The following ASIC5 variants were observed in gnomAD, a reference collection of about 807,000 sequenced individuals.
ASIC5 encodes acid sensing ion channel subunit family member 5.
In ASIC5, 52 loss-of-function variants were observed where a neutral mutation model predicts 51.2. The ratio of observed to expected loss-of-function variants is 1.02; its 90% CI spans 0.81 to 1.28. The LOEUF (loss-of-function observed/expected upper bound fraction) is 1.28, where lower values mean the gene tolerates loss of function less well. Ranked by LOEUF, ASIC5 falls within the 50% of genes most tolerant of loss-of-function variation. The pLI is 0.00. For synonymous variants in ASIC5, 231 were observed against 200.7 expected (o/e 1.15, Z -1.28); for missense variants, 635 against 595.0 (o/e 1.07, Z -0.70).
intron 2 of ASIC5, among the ~76,000 whole-genome samples, chr4:155,862,589 C>T (rs1262709158): frequency 1.3e-5 from 2 of 152,064 alleles, no homozygotes; most frequent in South Asian, 2.1e-4. Flanking sequence ...GAAAGTTGTC[C>T]TCCTCTTAGC....
chr4:155,862,492 C>T (rs1741735689), intron 2 of ASIC5, among the ~76,000 whole-genome samples: 1 of 151,952 alleles, frequency 6.6e-6, no homozygotes, highest in African/African-American at 2.4e-5. Flanking sequence ...CTTAAGAAGC[C>T]CTCCCTTCCT....
intron 1 of ASIC5, 23 bp from the exon 2 acceptor site, chr4:155,863,777 G>T (rs776582004): frequency 6.4e-7 from 1 of 1,560,988 alleles, no homozygotes; most frequent in South Asian, 1.2e-5. Flanking sequence ...CCCATAAAAT[G>T]ATTAAACAAA....
chr4:155,855,260 T>A (rs1470908726), intron 2 of ASIC5: 1 of 152,106 alleles, frequency 6.6e-6, no homozygotes, highest in Non-Finnish European at 1.5e-5. Context: ...CTCAAAGTGT[T>A]CTTTTAATGA....
At chr4:155,835,615 C>A (rs1740962724) in intron 8 of ASIC5, among the ~76,000 whole-genome samples, 1 of 152,030 alleles carries the variant, frequency 6.6e-6, no homozygotes, top group African/African-American at 2.4e-5. Context: ...ACATCAGGAA[C>A]AATATTAAAA....
chr4:155,833,820 T>C (rs1480534375), intron 8 of ASIC5, among the ~76,000 whole-genome samples: 2 of 152,212 alleles, frequency 1.3e-5, no homozygotes, highest in Non-Finnish European at 2.9e-5. Flanking sequence ...TGTCCAATCA[T>C]TTGGGTCTCA....
At chr4:155,863,396 T>C (rs1228838452) in intron 2 of ASIC5, 52 bp downstream of exon 2, 7 of 1,392,578 alleles carry the variant, frequency 5.0e-6, no homozygotes, top group Non-Finnish European at 5.9e-6. Flanking sequence ...CCAAGAAAGA[T>C]TATACTAGCA....
At chr4:155,854,032 G>A (rs773032060) in intron 3 of ASIC5, 45 bp downstream of exon 3, 7 of 1,421,294 alleles carry the variant, frequency 4.9e-6, no homozygotes, top group Admixed American at 3.5e-5. Flanking sequence ...GTGCAGTAAC[G>A]GAACTTATTA....
intron 4 of ASIC5, among the ~76,000 whole-genome samples, chr4:155,847,745 T>A (rs1741288591): frequency 1.3e-5 from 2 of 151,608 alleles, no homozygotes; most frequent in East Asian, 3.9e-4. Flanking sequence ...AATAAATAAA[T>A]AAAATGCATT....
Position 155,864,886 on chromosome 4 carries a change from T to G in ASIC5, c.41-1132A>C, listed in dbSNP as rs1741822337. 3 of 152,112 alleles carry G rather than the reference T, an allele frequency of 2.0e-5. No individual in the cohort carries two copies. In the South Asian group the frequency reaches 6.2e-4, roughly 31 times the overall value. The allele number at this position is 152,112 out of a possible 1,614,324, so 9.4% of individuals were successfully genotyped here. A position where few individuals can be genotyped will look rare whatever the true frequency, so the allele number is the denominator to read the frequency against. On this transcript the variant is annotated intron_variant, in intron 1 of 9. Transcript: ENST00000537611. ...TTAAAAAATTAGTTCTTAATGGCTT[T>G]ATATATGTTCATAATTAGGTGAATT... is the stretch of plus-strand genomic sequence containing the variant.
intron 4 of ASIC5, among the ~76,000 whole-genome samples, chr4:155,846,518 G>A (rs1352028742): frequency 1.3e-5 from 2 of 152,098 alleles, no homozygotes; most frequent in Non-Finnish European, 2.9e-5. Context: ...TATTGTCTTT[G>A]TTTCAAACCT....
intron 3 of ASIC5, 55 bp from the exon 4 acceptor site, chr4:155,852,371 C>A: frequency 1.3e-6 from 2 of 1,535,258 alleles, no homozygotes; most frequent in African/African-American, 1.4e-5. Context: ...TTTGTCACTT[C>A]TCAAGTTTGC....
In ASIC5 at chr4:155,863,477, G is replaced by T. The variant is rs770290427; in HGVS notation, c.318C>A (p.Phe106Leu). The change falls in exon 2 of 10, where the codon TTC (phenylalanine) becomes TTA (leucine). Residue 106 changes from phenylalanine (F) to leucine (L), a missense_variant. By Grantham distance (22) the Phe-to-Leu change is conservative. Transcript: ENST00000537611. ...IEVQYVEKME[F>L]PAVTFCNLNR... ...TCAAATTACAAAATGTCACAGCTGG[G>T]AACTCCATCTTTTCCACATATTGAA... The T allele has an allele frequency of 1.9e-6, 3 of 1,613,282 alleles. No individual in the cohort carries two copies. The highest frequency in any genetic ancestry group is 1.7e-6 in the Non-Finnish European group (2 of 1,179,526).
At chr4:155,842,939 G>A (rs1741154389) in intron 5 of ASIC5, among the ~76,000 whole-genome samples, 1 of 152,088 alleles carries the variant, frequency 6.6e-6, no homozygotes, top group Non-Finnish European at 1.5e-5. Flanking sequence ...TGAATCTCAG[G>A]CCACCACACA....
chr4:155,839,720 G>T (rs1458169378), intron 6 of ASIC5, among the ~76,000 whole-genome samples: 1 of 145,302 alleles, frequency 6.9e-6, no homozygotes, highest in Non-Finnish European at 1.5e-5. Context: ...AATACAATAA[G>T]TAAAAAAAAA....
chr4:155,846,647 A>G (rs1264137635), intron 4 of ASIC5, among the ~76,000 whole-genome samples: 2 of 152,128 alleles, frequency 1.3e-5, no homozygotes, highest in Non-Finnish European at 2.9e-5. Flanking sequence ...TATTTTTGCA[A>G]TGGCAGTTTC....
intron 1 of ASIC5, 133 bp from the exon 2 acceptor site, chr4:155,863,887 A>T (rs1428381446): frequency 1.3e-6 from 1 of 748,776 alleles, no homozygotes; most frequent in Non-Finnish European, 2.1e-6. Context: ...GAAACTAAAA[A>T]TTCATCTTTT....
chr4:155,857,217 G>C (rs1473467362), intron 2 of ASIC5, among the ~76,000 whole-genome samples: 1 of 151,948 alleles, frequency 6.6e-6, no homozygotes, highest in Non-Finnish European at 1.5e-5. Flanking sequence ...TTGACCTTCT[G>C]GGCTCAAGCA....
chr4:155,852,327 T>A lies in ASIC5; in HGVS notation c.586-11A>T. On this transcript the variant is annotated splice_polypyrimidine_tract_variant and intron_variant, in intron 3 of 9. Coordinates refer to ENST00000537611, the MANE Select transcript of ASIC5 (RefSeq NM_017419.3). ...GACATGTGCAAAATCCTCCAATATG[T>A]AAATGAACCAAAAAAAACCATCAAT... 1 of 1,573,542 alleles carries A rather than the reference T, an allele frequency of 6.4e-7. No homozygotes were observed. The highest frequency in any genetic ancestry group is 1.7e-4 in the Middle Eastern group (1 of 5,916).
In ASIC5 at chr4:155,842,238, C is replaced by G. The variant is rs1242241592; in HGVS notation, c.978G>C (p.Lys326Asn). The change falls in exon 6 of 10, where the codon AAG becomes AAC. Residue 326 changes from lysine (K) to asparagine (N), a missense_variant. Transcript: ENST00000537611. The part of the protein sequence containing the change: ...LKECKAQHIK[K>N]QCGCVPFLLP... ...GAAGAAAAGGCACACATCCACATTG[C>G]TTTTTTATGTGCTGGGCTTTGCATT... 3 of 1,613,414 alleles carry G rather than the reference C, an allele frequency of 1.9e-6. No individual in the cohort carries two copies. The African/African-American group carries it at 4.0e-5, about 22-fold the overall frequency.
Sources: gnomAD v4.1 joint callset for allele counts (sites outside exome capture counted in the v4.1 genomes callset) on GRCh38, gnomAD v4.1.1 for gene constraint, MANE v1.5 for transcripts, NCBI Gene and HGNC (gene_info 2026-07-23, HGNC 2026-07-21) for gene names.